Variants in FHIP1A observed in about 807,000 individuals in gnomAD.
FHIP1A encodes the protein FHF complex subunit HOOK-interacting protein 1A.
FHIP1A carries 61 observed loss-of-function variants against 88.6 expected under a neutral mutation model. The ratio of observed to expected loss-of-function variants is 0.69; its 90% CI spans 0.56 to 0.85. The LOEUF is 0.85. Among genes scored for constraint, FHIP1A ranks in the 40% least tolerant of loss-of-function variants. The pLI, the probability that FHIP1A is intolerant of heterozygous loss-of-function variation, is 0.00. For missense variants in FHIP1A, 1,154 were observed against 1,273.5 expected, an observed-to-expected ratio of 0.91 and a Z score of 1.43; for synonymous variants, 478 against 496.0, an observed-to-expected ratio of 0.96 and a Z score of 0.48.
chr4:151,637,755 A>C (rs1057148996), intron 8 of FHIP1A, among the ~76,000 whole-genome samples: 1 of 152,188 alleles, frequency 6.6e-6, no homozygotes, highest in Non-Finnish European at 1.5e-5. Flanking sequence ...AAGACTTGGA[A>C]TGGGAACAGA....
Position 151,446,128 on chromosome 4 carries a change from A to T in FHIP1A, c.-355-8573A>T, listed in dbSNP as rs74795031. 2.3e-4 allele frequency among the ~76,000 whole-genome samples: 35 copies of T among 151,856 alleles called. No homozygotes were observed. In the East Asian group the frequency reaches 6.2e-3, roughly 27 times the overall value. On this transcript the variant is annotated intron_variant, in intron 1 of 13. Transcript: ENST00000435205. Reference sequence around the variant, plus strand: ...AGGATACAGTATATCAGTGTATGAAATTGTCTGTGGCTCCCCATCTTGGAC... The same window carrying T: ...AGGATACAGTATATCAGTGTATGAATTTGTCTGTGGCTCCCCATCTTGGAC...
rs1026233114 is a variant in FHIP1A at position 151,510,029 on chromosome 4, T to C, written c.-123+27381T>C. Among the ~76,000 whole-genome samples the C allele has an allele frequency of 4.6e-5, 7 of 152,262 alleles. 1 individual carries two copies. In the South Asian group the frequency reaches 1.2e-3, roughly 27 times the overall value. On this transcript the variant is annotated intron_variant, in intron 3 of 13. Coordinates refer to ENST00000435205, the MANE Select transcript of FHIP1A (RefSeq NM_001109977.3). ...GCTGTTCCTACTCTGGCCCTTTCCTTTTCCATGTGCCTGCAAACTTCCTGC... is the reference window on the plus strand; with the variant it reads ...GCTGTTCCTACTCTGGCCCTTTCCTCTTCCATGTGCCTGCAAACTTCCTGC...
At chr4:151,496,657 A>AT (rs1407762132) in intron 3 of FHIP1A, among the ~76,000 whole-genome samples, 2 of 145,336 alleles carry the variant, frequency 1.4e-5, no homozygotes, top group Non-Finnish European at 3.0e-5. Context: ...CAAGTGATTG[A>AT]TTTTCCCATC....
chr4:151,638,588 A>T (rs1736453187), intron 8 of FHIP1A, 89 bp from the exon 9 acceptor site: 23 of 735,846 alleles, frequency 3.1e-5, no homozygotes, highest in South Asian at 1.1e-4. Context: ...AGGCCATTAT[A>T]TTTTGTAATT....
intron 4 of FHIP1A, 40 bp downstream of exon 4, chr4:151,566,404 C>T: frequency 8.6e-7 from 1 of 1,163,598 alleles, no homozygotes. Flanking sequence ...GTCTCAGTAA[C>T]CCCAGGGGCC....
intron 1 of FHIP1A, among the ~76,000 whole-genome samples, chr4:151,412,258 A>G (rs544961300): frequency 6.6e-6 from 1 of 152,228 alleles, no homozygotes; most frequent in South Asian, 2.1e-4. Flanking sequence ...GCCCACCACC[A>G]TGCTCAGCTA....
intron 3 of FHIP1A, among the ~76,000 whole-genome samples, chr4:151,483,076 C>G (rs191035718): frequency 3.3e-5 from 5 of 152,016 alleles, no homozygotes; most frequent in African/African-American, 9.7e-5. Flanking sequence ...ATAAATTCTA[C>G]GAAGTGACTG....
chr4:151,618,300 A>G (rs1735617463), intron 7 of FHIP1A, among the ~76,000 whole-genome samples: 1 of 152,234 alleles, frequency 6.6e-6, no homozygotes, highest in Non-Finnish European at 1.5e-5. Flanking sequence ...CTGACATGGA[A>G]TCAAAGAATG....
chr4:151,586,387 G>A (rs1244792382), intron 5 of FHIP1A, among the ~76,000 whole-genome samples: 4 of 152,172 alleles, frequency 2.6e-5, no homozygotes, highest in Non-Finnish European at 5.9e-5. Context: ...TGAGAGATGA[G>A]CAACCCATAC....
rs148607356 is a variant in FHIP1A, at chr4:151,411,507, ACT to A, written c.-356+2045_-356+2046del. Among the ~76,000 whole-genome samples, 1,307 of 151,134 alleles carry A rather than the reference ACT, an allele frequency of 8.6e-3. 20 individuals are homozygous for A. The highest frequency in any genetic ancestry group is 0.029 in the African/African-American group (1,187 of 41,134). On this transcript the variant is annotated intron_variant, in intron 1 of 13. Coordinates refer to ENST00000435205, the MANE Select transcript of FHIP1A (RefSeq NM_001109977.3). ...TGGGACCACAGGTTCATGCCATCAC[ACT>A]CTGTTAATTTTTTGTATTTTCATAC...
At chr4:151,540,585 A>G (rs1435885130) in intron 3 of FHIP1A, among the ~76,000 whole-genome samples, 2 of 152,236 alleles carry the variant, frequency 1.3e-5, no homozygotes, top group Non-Finnish European at 2.9e-5. Context: ...GGTGTTCAGA[A>G]TACTCTACAG....
chr4:151,486,590 CTT>C (rs1035446358), intron 3 of FHIP1A, among the ~76,000 whole-genome samples: 15 of 152,110 alleles, frequency 9.9e-5, no homozygotes, highest in African/African-American at 3.6e-4. Flanking sequence ...TAACTGAAAA[CTT>C]GGGGCCAGAA....
intron 7 of FHIP1A, among the ~76,000 whole-genome samples, chr4:151,597,218 C>T (rs548417627): frequency 1.3e-5 from 2 of 152,080 alleles, no homozygotes; most frequent in East Asian, 1.9e-4. Flanking sequence ...TTTGAGTGGA[C>T]GTCCTTTTTG....
chr4:151,471,472 G>A (rs2126617609), intron 2 of FHIP1A, among the ~76,000 whole-genome samples: 1 of 152,078 alleles, frequency 6.6e-6, no homozygotes. Flanking sequence ...AGACCTAGAA[G>A]CCATAACTTC....
At chr4:151,468,800 G>A (rs1183368605) in intron 2 of FHIP1A, among the ~76,000 whole-genome samples, 1 of 149,344 alleles carries the variant, frequency 6.7e-6, no homozygotes, top group African/African-American at 2.5e-5. Context: ...CCTTTCAGCC[G>A]CCTGTCTACT....
chr4:151,472,703 T>G (rs1009824369), intron 2 of FHIP1A, among the ~76,000 whole-genome samples: 2 of 152,058 alleles, frequency 1.3e-5, no homozygotes, highest in Non-Finnish European at 2.9e-5. Flanking sequence ...AGTTAGAATT[T>G]TGTCAGCCAC....
Position 151,577,620 on chromosome 4 carries a change from G to A in FHIP1A, c.276G>A (p.Val92=), listed in dbSNP as rs746850387. The change falls in exon 5 of 14, where the codon GTG becomes GTA. Residue 92 remains valine, a synonymous_variant. Coordinates refer to ENST00000435205, the MANE Select transcript of FHIP1A (RefSeq NM_001109977.3). The part of the protein sequence containing the change: ...DAAMGPILEF[V]VSENIMEKLF... The stretch of plus-strand genomic sequence containing the variant: ...CAATGGGGCCGATTCTGGAATTTGT[G>A]GTCTCTGAGAACATCATGGAGAAAC... 1.3e-6 allele frequency: 2 copies of A among 1,551,854 alleles called. No individual in the cohort carries two copies. Among genetic ancestry groups the A allele is most frequent in the Non-Finnish European group, 1.7e-6 (2 of 1,147,006 alleles).
intron 13 of FHIP1A, among the ~76,000 whole-genome samples, chr4:151,659,898 C>G (rs1418464249): frequency 2.0e-5 from 3 of 152,218 alleles, no homozygotes; most frequent in African/African-American, 7.2e-5. Context: ...ATTCTTGAGG[C>G]TGTTGGTCTC....
chr4:151,526,160 T>G lies in FHIP1A; in HGVS notation c.-122-39978T>G, dbSNP rs1220625097. 2.6e-5 allele frequency among the ~76,000 whole-genome samples: 4 copies of G among 152,202 alleles called. No individual in the cohort carries two copies. In the East Asian group the frequency reaches 7.7e-4, roughly 29 times the overall value. On this transcript the variant is annotated intron_variant, in intron 3 of 13. Coordinates refer to ENST00000435205, the MANE Select transcript of FHIP1A (RefSeq NM_001109977.3). Reference sequence around the variant, plus strand: ...GAAAAGTCTCCCATGTCTACCTCTTTCCACACAGACACGGCAACCATCCGA... The same window carrying G: ...GAAAAGTCTCCCATGTCTACCTCTTGCCACACAGACACGGCAACCATCCGA...
Sources: gnomAD v4.1 joint callset for allele counts (sites outside exome capture counted in the v4.1 genomes callset) on GRCh38, gnomAD v4.1.1 for gene constraint, MANE v1.5 for transcripts, NCBI Gene and HGNC (gene_info 2026-07-23, HGNC 2026-07-21) for gene names.